Variants in PRKCQ observed in about 807,000 individuals in gnomAD.
The protein encoded by PRKCQ is protein kinase C theta.
A neutral mutation model predicts 91.2 loss-of-function variants in PRKCQ; 41 were observed. That is an observed-to-expected ratio of 0.45 (90% CI 0.35 to 0.58). PRKCQ has a LOEUF of 0.58. Among genes scored for constraint, PRKCQ ranks in the 20% least tolerant of loss-of-function variants. PRKCQ has a pLI of 0.00. For missense variants in PRKCQ, 673 were observed against 896.5 expected (o/e 0.75, Z 3.18); for synonymous variants, 307 against 316.9 (o/e 0.97, Z 0.33).
chr10:6,400,631 G>GAAAA, the PRKCQ span, among the ~76,000 whole-genome samples: 115 of 136,272 alleles, frequency 8.4e-4, no homozygotes, highest in Non-Finnish European at 1.3e-3. Flanking sequence ...CTTCCTTTCA[G>GAAAA]AAAAAAAAAA....
intron 4 of PRKCQ, among the ~76,000 whole-genome samples, chr10:6,502,420 G>T (rs970752102): frequency 6.6e-6 from 1 of 152,210 alleles, no homozygotes; most frequent in African/African-American, 2.4e-5. Context: ...CAGAGCTAAG[G>T]TTCCTCAGGG....
chr10:6,575,979 G>C (rs936186706), intron 1 of PRKCQ, among the ~76,000 whole-genome samples: 2 of 152,192 alleles, frequency 1.3e-5, no homozygotes, highest in Non-Finnish European at 2.9e-5. Flanking sequence ...GGTAGAGGTT[G>C]CAGTGAGCTG....
At position 6,578,084 on chromosome 10, in the gene PRKCQ, T is replaced by G. The variant is rs551635259; in HGVS notation, c.-10+2127A>C. On this transcript the variant is annotated intron_variant, in intron 1 of 17. Coordinates refer to ENST00000263125, the MANE Select transcript of PRKCQ (RefSeq NM_006257.5). ...CAAGCCGGCTATGTAAGGGGGCTTC[T>G]GATGCCTGGCGTTAACAAGAGACAG... Among the ~76,000 whole-genome samples the G allele has an allele frequency of 3.9e-5, 6 of 152,362 alleles. No homozygotes were observed. The East Asian group carries it at 1.2e-3, about 29-fold the overall frequency.
chr10:6,469,535 G>T (rs1342651842), intron 12 of PRKCQ, among the ~76,000 whole-genome samples: 1 of 152,102 alleles, frequency 6.6e-6, no homozygotes, highest in Admixed American at 6.5e-5. Context: ...CTCTTGCTTG[G>T]GTCTAAGGTT....
intron 1 of PRKCQ, among the ~76,000 whole-genome samples, chr10:6,536,395 T>C (rs976974883): frequency 1.3e-5 from 2 of 152,214 alleles, no homozygotes; most frequent in Admixed American, 6.5e-5. Flanking sequence ...ATGGGAGGGA[T>C]GTCCACTGTC....
intron 15 of PRKCQ, among the ~76,000 whole-genome samples, chr10:6,454,161 A>G (rs963608292): frequency 1.3e-5 from 2 of 152,212 alleles, no homozygotes; most frequent in African/African-American, 2.4e-5. Flanking sequence ...GGCATTGATA[A>G]CACACAGTCT....
chr10:6,415,595 T>C, the PRKCQ span, among the ~76,000 whole-genome samples: 951 of 151,624 alleles, frequency 6.3e-3, 9 homozygotes, highest in African/African-American at 0.022. Flanking sequence ...TGCACACCAG[T>C]GGTTAAAGTC....
chr10:6,442,114 A>G, intron 15 of PRKCQ, 33 bp from the exon 16 acceptor site: 3 of 1,596,962 alleles, frequency 1.9e-6, no homozygotes, highest in Non-Finnish European at 2.6e-6. Flanking sequence ...GGAAATTAAC[A>G]GGAATGAGGC....
rs962126882 is a variant in PRKCQ, at chr10:6,475,731, G to A, written c.1353+3261C>T. On this transcript the variant is annotated intron_variant, in intron 12 of 17. Coordinates refer to ENST00000263125, the MANE Select transcript of PRKCQ (RefSeq NM_006257.5). ...CAGAACAAAGCATTATCCATATCAC[G>A]TATCAATCGTTGCCTTTTGCATTCA... Among the ~76,000 whole-genome samples, 5 of 152,254 alleles carry A rather than the reference G, an allele frequency of 3.3e-5. No homozygotes were observed. The Middle Eastern group carries it at 0.01, about 311-fold the overall frequency.
chr10:6,454,190 GTA>G (rs1464314465), intron 15 of PRKCQ, among the ~76,000 whole-genome samples: 1 of 152,182 alleles, frequency 6.6e-6, no homozygotes, highest in East Asian at 1.9e-4. Flanking sequence ...TGGTGACAAT[GTA>G]TATGATTCAT....
At chr10:6,463,924 A>G (rs1017971529) in intron 13 of PRKCQ, among the ~76,000 whole-genome samples, 1 of 152,178 alleles carries the variant, frequency 6.6e-6, no homozygotes, top group Admixed American at 6.5e-5. Context: ...TGCTCCCTAA[A>G]GCTTTATGCC....
At chr10:6,478,878 A>T (rs1796068175) in intron 12 of PRKCQ, 114 bp downstream of exon 12, 6 of 1,239,570 alleles carry the variant, frequency 4.8e-6, no homozygotes, top group Non-Finnish European at 6.8e-6. Context: ...GGTACACCGA[A>T]ATGTAAGATA....
chr10:6,472,188 G>A (rs1449014951), intron 12 of PRKCQ, among the ~76,000 whole-genome samples: 1 of 151,882 alleles, frequency 6.6e-6, no homozygotes, highest in East Asian at 1.9e-4. Context: ...GGCGCCTGTA[G>A]TCCCAGCTAC....
At chr10:6,464,942 A>G (rs1259518269) in intron 12 of PRKCQ, among the ~76,000 whole-genome samples, 1 of 152,156 alleles carries the variant, frequency 6.6e-6, no homozygotes, top group Non-Finnish European at 1.5e-5. Flanking sequence ...TGGCATCTAG[A>G]TGCTTGCGTG....
chr10:6,446,006 C>T (rs987874465), intron 15 of PRKCQ, among the ~76,000 whole-genome samples: 3 of 152,138 alleles, frequency 2.0e-5, no homozygotes, highest in African/African-American at 7.2e-5. Flanking sequence ...CAAAGCTTGG[C>T]GATGTTGGTA....
downstream of PRKCQ, among the ~76,000 whole-genome samples, chr10:6,423,291 T>C (rs1355883426): frequency 6.6e-6 from 1 of 152,222 alleles, no homozygotes; most frequent in Non-Finnish European, 1.5e-5. Context: ...TGTCTTGCTC[T>C]GATATACACA....
downstream of PRKCQ, among the ~76,000 whole-genome samples, chr10:6,423,054 A>G (rs1270773650): frequency 6.6e-6 from 1 of 152,110 alleles, no homozygotes; most frequent in Non-Finnish European, 1.5e-5. Flanking sequence ...TCAGAGGACA[A>G]ATAGAGGTGG....
chr10:6,519,545 A>C (rs1838912032), intron 1 of PRKCQ, among the ~76,000 whole-genome samples: 2 of 152,274 alleles, frequency 1.3e-5, no homozygotes, highest in Non-Finnish European at 2.9e-5. Context: ...TCTGATTTAC[A>C]ACCCAGACCC....
chr10:6,521,945 A>T (rs1588378598), intron 1 of PRKCQ, among the ~76,000 whole-genome samples: 1 of 148,926 alleles, frequency 6.7e-6, no homozygotes, highest in Admixed American at 6.7e-5. Context: ...TTATTTATTT[A>T]TTTATTTATT....
Sources: allele counts gnomAD v4.1 joint callset (sites outside exome capture counted in the v4.1 genomes callset), GRCh38; gene constraint gnomAD v4.1.1; transcripts MANE v1.5; gene names NCBI Gene and HGNC (gene_info 2026-07-23, HGNC 2026-07-21).